LRP1B: variants seen among roughly 807,000 people sequenced by gnomAD.
The protein encoded by LRP1B is LDL receptor related protein 1B.
In LRP1B, 217 loss-of-function variants were observed where a neutral mutation model predicts 556.6. That is an observed-to-expected ratio of 0.39 (90% confidence interval 0.35 to 0.44). The LOEUF (loss-of-function observed/expected upper bound fraction) is 0.44. Among genes scored for constraint, LRP1B ranks in the 20% least tolerant of loss-of-function variants. The pLI is 1.00. For synonymous variants in LRP1B, 2,047 were observed against 1,865.8 expected (o/e 1.10, Z -2.50); for missense variants, 5,053 against 5,620.8 (o/e 0.90, Z 3.23).
intron 60 of LRP1B, among the ~76,000 whole-genome samples, chr2:140,469,407 T>G (rs1051053216): frequency 1.3e-5 from 2 of 152,172 alleles, no homozygotes; most frequent in Admixed American, 6.5e-5. Flanking sequence ...CTTCCCAGCC[T>G]CCACAAATGT....
At chr2:141,432,836 T>G (rs1376940889) in intron 3 of LRP1B, among the ~76,000 whole-genome samples, 1 of 143,486 alleles carries the variant, frequency 7.0e-6, no homozygotes, top group Non-Finnish European at 1.6e-5. Context: ...TGCAATTTAT[T>G]TCAAACTTCC....
At chr2:141,228,414 T>C (rs1683331456) in intron 6 of LRP1B, among the ~76,000 whole-genome samples, 3 of 147,954 alleles carry the variant, frequency 2.0e-5, no homozygotes, top group African/African-American at 7.5e-5. Context: ...TGTGTATGAG[T>C]GTGTGTGTGT....
At chr2:140,692,222 T>C (rs936781245) in intron 41 of LRP1B, among the ~76,000 whole-genome samples, 1 of 152,174 alleles carries the variant, frequency 6.6e-6, no homozygotes. Context: ...ATTGTTTACA[T>C]AGTTTTCAAT....
chr2:141,281,771 C>T (rs887996627), intron 3 of LRP1B, among the ~76,000 whole-genome samples: 4 of 151,928 alleles, frequency 2.6e-5, no homozygotes, highest in African/African-American at 9.7e-5. Flanking sequence ...GTTAACAAGG[C>T]AGTATGGTAT....
chr2:140,390,805 CA>C (rs1553458547), intron 66 of LRP1B, among the ~76,000 whole-genome samples: 1 of 142,642 alleles, frequency 7.0e-6, no homozygotes, highest in African/African-American at 2.6e-5. Flanking sequence ...CACACACACA[CA>C]ACATATTTGA....
chr2:142,045,041 T>C (rs1317331764), intron 1 of LRP1B, among the ~76,000 whole-genome samples: 1 of 151,798 alleles, frequency 6.6e-6, no homozygotes, highest in Non-Finnish European at 1.5e-5. Flanking sequence ...AACTTCCTTT[T>C]TGAAAATATG....
At chr2:142,049,361 T>C (rs1028989433) in intron 1 of LRP1B, among the ~76,000 whole-genome samples, 5 of 152,118 alleles carry the variant, frequency 3.3e-5, no homozygotes, top group African/African-American at 9.7e-5. Context: ...TTACATCCAC[T>C]CAGCCTAATA....
At chr2:141,855,294 T>A (rs11894216) in intron 1 of LRP1B, among the ~76,000 whole-genome samples, 8,621 of 151,994 alleles carry the variant, frequency 0.057, 837 homozygotes, top group African/African-American at 0.2. Flanking sequence ...TAAAGAAGGG[T>A]GAATCTTCTC....
At chr2:141,409,352 A>G (rs1481389176) in intron 3 of LRP1B, among the ~76,000 whole-genome samples, 1 of 152,130 alleles carries the variant, frequency 6.6e-6, no homozygotes, top group Non-Finnish European at 1.5e-5. Context: ...TTTATATAAT[A>G]TTTTGAGCTT....
At chr2:140,994,778 T>A (rs565607589) in intron 15 of LRP1B, among the ~76,000 whole-genome samples, 13 of 152,024 alleles carry the variant, frequency 8.6e-5, no homozygotes, top group Admixed American at 2.0e-4. Flanking sequence ...AATTCAAAAA[T>A]ATGTGATACT....
In LRP1B at chr2:140,810,202, GA is replaced by G. The variant is rs1437962026; in HGVS notation, c.5359+3454del. ...AAAACTTGTGCAAAGTGTTCAAAGA[GA>G]TTTTTTTTAACATAGCTTTAGTATA... On this transcript the variant is annotated intron_variant, in intron 32 of 90. Coordinates refer to ENST00000389484, the MANE Select transcript of LRP1B (RefSeq NM_018557.3). 8.7e-5 allele frequency among the ~76,000 whole-genome samples: 10 copies of G among 115,002 alleles called. 1 individual carries two copies. The highest frequency in any genetic ancestry group is 2.7e-4 in the African/African-American group (10 of 37,492). The allele number at this position is 115,002 out of a possible 152,430, so 75.4% of individuals were successfully genotyped here.
At chr2:140,500,766 C>A (rs1400409652) in intron 55 of LRP1B, among the ~76,000 whole-genome samples, 1 of 151,906 alleles carries the variant, frequency 6.6e-6, no homozygotes, top group Non-Finnish European at 1.5e-5. Flanking sequence ...TGGATACACT[C>A]CAATTCGTCA....
chr2:141,019,075 T>G (rs570725126), intron 12 of LRP1B, among the ~76,000 whole-genome samples: 51 of 152,172 alleles, frequency 3.4e-4, no homozygotes, highest in Non-Finnish European at 5.9e-4. Flanking sequence ...ATGTAAAACA[T>G]TCAATAAAAT....
chr2:140,820,848 T>C (rs1691303303), intron 31 of LRP1B, among the ~76,000 whole-genome samples: 1 of 151,972 alleles, frequency 6.6e-6, no homozygotes, highest in Non-Finnish European at 1.5e-5. Context: ...CTTTTATGCC[T>C]TTTATGCCTG....
chr2:140,508,237 A>T (rs1382588606), intron 52 of LRP1B, among the ~76,000 whole-genome samples: 1 of 152,146 alleles, frequency 6.6e-6, no homozygotes, highest in Non-Finnish European at 1.5e-5. Context: ...CAAGACTCAG[A>T]TAATATTATC....
chr2:140,823,943 A>G (rs1380872604), intron 31 of LRP1B, among the ~76,000 whole-genome samples: 1 of 151,938 alleles, frequency 6.6e-6, no homozygotes, highest in Admixed American at 6.6e-5. Context: ...TGAGGGTGGA[A>G]GGTGGGAAGA....
chr2:141,933,418 A>T (rs1700556200), intron 1 of LRP1B, among the ~76,000 whole-genome samples: 1 of 152,134 alleles, frequency 6.6e-6, no homozygotes, highest in Admixed American at 6.6e-5. Flanking sequence ...GTTGCTGAAT[A>T]AGGTGAAACC....
At chr2:140,811,074 T>C (rs1690907681) in intron 32 of LRP1B, among the ~76,000 whole-genome samples, 1 of 152,050 alleles carries the variant, frequency 6.6e-6, no homozygotes, top group Admixed American at 6.6e-5. Context: ...TTTTTTTATT[T>C]ATTCTTTATG....
In LRP1B at chr2:140,834,528, G is replaced by A. The variant is rs552676121; in HGVS notation, c.5209+5463C>T. 3.9e-5 allele frequency among the ~76,000 whole-genome samples: 6 copies of A among 152,192 alleles called. No homozygotes were observed. The East Asian group carries it at 7.7e-4, about 20-fold the overall frequency. The stretch of plus-strand genomic sequence containing the variant: ...GCTGGGATTACAAGCGTGAGCCCCC[G>A]CGCCTGGCCATAAATCTAAATTACA... On this transcript the variant is annotated intron_variant, in intron 31 of 90. Transcript: ENST00000389484.
Sources: gnomAD v4.1 joint callset for allele counts (sites outside exome capture counted in the v4.1 genomes callset) on GRCh38, gnomAD v4.1.1 for gene constraint, MANE v1.5 for transcripts, NCBI Gene and HGNC (gene_info 2026-07-23, HGNC 2026-07-21) for gene names.